The following EIF2AK2 variants were observed in gnomAD, a reference collection of about 807,000 sequenced individuals.
EIF2AK2 encodes eukaryotic translation initiation factor 2 alpha kinase 2, also known as interferon-induced, double-stranded RNA-activated protein kinase.
In EIF2AK2, 40 loss-of-function variants were observed where a neutral mutation model predicts 70.5. The observed-to-expected ratio is 0.57, with a 90% CI of 0.44 to 0.74. The LOEUF (loss-of-function observed/expected upper bound fraction) is 0.74. EIF2AK2 is among the 30% of genes least tolerant of loss of function. The pLI, the probability that EIF2AK2 is intolerant of heterozygous loss-of-function variation, is 0.00. For synonymous variants in EIF2AK2, 198 were observed against 220.9 expected, an observed-to-expected ratio of 0.90 and a Z score of 0.92; for missense variants, 555 against 644.3, an observed-to-expected ratio of 0.86 and a Z score of 1.50.
chr2:37,103,060 C>T lies in EIF2AK2; in HGVS notation c.*4213G>A, dbSNP rs1307098988. On this transcript the variant is annotated 3_prime_UTR_variant, in exon 17 of 17. Coordinates refer to ENST00000233057, the MANE Select transcript of EIF2AK2 (RefSeq NM_001135651.3). ...TAGCAAATAAGGTCCCAGGCTCTTG[C>T]CCCTGTCCTCCTCTGAGTAAGAGGA... is the stretch of plus-strand genomic sequence containing the variant. 6.6e-6 allele frequency: 1 copy of T among 151,870 alleles called. No homozygotes were observed. The highest frequency in any genetic ancestry group is 2.4e-5 in the African/African-American group (1 of 41,322). 9.4% of individuals were successfully genotyped at this position (151,870 alleles called of 1,614,324 possible).
chr2:37,127,360 G>C (rs1192689056), intron 10 of EIF2AK2, among the ~76,000 whole-genome samples: 1 of 152,052 alleles, frequency 6.6e-6, no homozygotes, highest in Non-Finnish European at 1.5e-5. Flanking sequence ...AACTGAGTCT[G>C]GCCATGTCTC....
At chr2:37,111,880 T>A (rs12468289) in intron 14 of EIF2AK2, among the ~76,000 whole-genome samples, 1,507 of 47,048 alleles carry the variant, frequency 0.032, 16 homozygotes, top group Middle Eastern at 0.071. Context: ...AAAAAAAAAA[T>A]ATATATATAT....
In EIF2AK2 at chr2:37,141,547, T is replaced by C. The variant is rs372776334; in HGVS notation, c.389+6A>G. On this transcript the variant is annotated splice_donor_region_variant and intron_variant, in intron 5 of 16. Transcript: ENST00000233057. ...AAACAGAAAGAAAAGCCAAATTATG[T>C]CTTACCCTTCTGGCCCATGCACCCC... 4.4e-6 allele frequency: 7 copies of C among 1,607,764 alleles called. No homozygotes were observed. Among genetic ancestry groups the C allele is most frequent in the Non-Finnish European group, 5.9e-6 (7 of 1,178,732 alleles).
At chr2:37,151,333 C>A (rs576890443) in intron 1 of EIF2AK2, among the ~76,000 whole-genome samples, 1 of 151,996 alleles carries the variant, frequency 6.6e-6, no homozygotes, top group South Asian at 2.1e-4. Context: ...CGCCAATAAG[C>A]ACATGAAAAG....
At chr2:37,132,700 A>G (rs1158169906) in intron 10 of EIF2AK2, among the ~76,000 whole-genome samples, 2 of 152,162 alleles carry the variant, frequency 1.3e-5, no homozygotes, top group Non-Finnish European at 2.9e-5. Flanking sequence ...ATAACCCCAG[A>G]TATAAAGGAA....
At chr2:37,127,215 G>A (rs1225645583) in intron 10 of EIF2AK2, among the ~76,000 whole-genome samples, 6 of 151,840 alleles carry the variant, frequency 4.0e-5, no homozygotes, top group Admixed American at 1.3e-4. Context: ...GTATCCACCC[G>A]CTTTCCTCTG....
chr2:37,149,065 C>T, intron 1 of EIF2AK2, 42 bp from the exon 2 acceptor site: 2 of 991,300 alleles, frequency 2.0e-6, no homozygotes, highest in Non-Finnish European at 3.3e-6. Context: ...AATGCAACCG[C>T]TGGTTCAGAC....
intron 10 of EIF2AK2, among the ~76,000 whole-genome samples, chr2:37,128,286 A>C (rs1285758188): frequency 6.6e-6 from 1 of 152,228 alleles, no homozygotes; most frequent in Non-Finnish European, 1.5e-5. Flanking sequence ...TATTGTCTAC[A>C]GCAGAGTAGA....
Position 37,136,966 on chromosome 2 carries a change from T to C in EIF2AK2, c.722+17A>G. ...AAACTTCAGATCAAAATATGTTCAA[T>C]GCATAATGATACTCACCTTTTTGCC... On this transcript the variant is annotated intron_variant, in intron 9 of 16. Transcript: ENST00000233057. 1 of 1,597,732 alleles carries C rather than the reference T, an allele frequency of 6.3e-7. No individual in the cohort carries two copies. Among genetic ancestry groups the C allele is most frequent in the Non-Finnish European group, 8.5e-7 (1 of 1,173,802 alleles).
rs143170439 is a variant in EIF2AK2, at chr2:37,106,221, G to T, written c.*1052C>A. Reference sequence around the variant, plus strand: ...AAATGATTTAGTTTTGCATGCTCTGGAACTTTATATAAATGGAATTATTCT... The same window carrying T: ...AAATGATTTAGTTTTGCATGCTCTGTAACTTTATATAAATGGAATTATTCT... On this transcript the variant is annotated 3_prime_UTR_variant, in exon 17 of 17. Coordinates refer to ENST00000233057, the MANE Select transcript of EIF2AK2 (RefSeq NM_001135651.3). The T allele has an allele frequency of 1.4e-3, 217 of 152,110 alleles. 1 individual carries two copies. The highest frequency in any genetic ancestry group is 5.0e-3 in the African/African-American group (207 of 41,454). 9.4% of individuals were successfully genotyped at this position (152,110 alleles called of 1,614,324 possible).
chr2:37,116,523 G>C (rs1404421167), intron 13 of EIF2AK2, among the ~76,000 whole-genome samples: 2 of 152,144 alleles, frequency 1.3e-5, no homozygotes, highest in Non-Finnish European at 2.9e-5. Context: ...CTTATGAGAG[G>C]GCCTACCTAG....
intron 13 of EIF2AK2, among the ~76,000 whole-genome samples, chr2:37,118,693 T>A (rs899661502): frequency 6.6e-6 from 1 of 152,230 alleles, no homozygotes; most frequent in African/African-American, 2.4e-5. Context: ...CTTCAGATAT[T>A]GTAGAAGAGA....
intron 1 of EIF2AK2, among the ~76,000 whole-genome samples, chr2:37,154,750 C>T (rs535017417): frequency 4.6e-5 from 7 of 152,032 alleles, no homozygotes; most frequent in South Asian, 4.2e-4. Context: ...TTAGTAGAGA[C>T]GGGGTTTCCC....
intron 2 of EIF2AK2, chr2:37,148,513 A>G (rs878957367): frequency 3.2e-6 from 2 of 633,014 alleles, no homozygotes; most frequent in South Asian, 3.4e-5. Context: ...AACAAGGAAA[A>G]TATGCTAGAA....
At chr2:37,143,572 C>A (rs1675417775) in intron 4 of EIF2AK2, among the ~76,000 whole-genome samples, 1 of 151,918 alleles carries the variant, frequency 6.6e-6, no homozygotes, top group Non-Finnish European at 1.5e-5. Context: ...TGTATTATTC[C>A]CTAAACAATA....
At chr2:37,131,283 C>G (rs1195068274) in intron 10 of EIF2AK2, among the ~76,000 whole-genome samples, 1 of 152,284 alleles carries the variant, frequency 6.6e-6, no homozygotes, top group Admixed American at 6.5e-5. Flanking sequence ...CATAATCAGG[C>G]CCTTGGACTA....
chr2:37,123,423 C>T (rs948809003), intron 11 of EIF2AK2, among the ~76,000 whole-genome samples: 1 of 151,886 alleles, frequency 6.6e-6, no homozygotes, highest in Non-Finnish European at 1.5e-5. Context: ...CACACCACCA[C>T]ACCCATCTAA....
At position 37,102,380 on chromosome 2, in the gene EIF2AK2, T is replaced by A. The variant is rs1426925338; in HGVS notation, c.*4893A>T. The A allele has an allele frequency of 6.6e-6, 1 of 152,194 alleles. No homozygotes were observed. The highest frequency in any genetic ancestry group is 2.4e-5 in the African/African-American group (1 of 41,446). 9.4% of individuals were successfully genotyped at this position (152,194 alleles called of 1,614,324 possible). Reference sequence around the variant, plus strand: ...AGTTTCATTATTCTATTTTTGTGTATGTTTGAACATAAAGAAATGTATGAA... The same window carrying A: ...AGTTTCATTATTCTATTTTTGTGTAAGTTTGAACATAAAGAAATGTATGAA... On this transcript the variant is annotated 3_prime_UTR_variant, in exon 17 of 17. Transcript: ENST00000233057.
chr2:37,109,545 C>A, intron 14 of EIF2AK2: 1 of 379,268 alleles, frequency 2.6e-6, no homozygotes, highest in Non-Finnish European at 4.8e-6. Context: ...CAGTATCAAC[C>A]ACAGAGTTTG....
Sources: allele counts gnomAD v4.1 joint callset (sites outside exome capture counted in the v4.1 genomes callset), GRCh38; gene constraint gnomAD v4.1.1; transcripts MANE v1.5; gene names NCBI Gene and HGNC (gene_info 2026-07-23, HGNC 2026-07-21).